Variants in TULP4 observed in about 807,000 individuals in gnomAD.
TULP4 encodes TUB like protein 4.
TULP4 carries 16 observed loss-of-function variants against 129.0 expected under a neutral mutation model. That is an observed-to-expected ratio of 0.12 (90% CI 0.08 to 0.19). TULP4 has a LOEUF of 0.19. Among genes scored for constraint, TULP4 ranks in the 10% least tolerant of loss-of-function variants. TULP4 has a pLI of 1.00. For synonymous variants in TULP4, 998 were observed against 854.0 expected, an observed-to-expected ratio of 1.17 and a Z score of -2.94; for missense variants, 1,842 against 2,059.1, an observed-to-expected ratio of 0.89 and a Z score of 2.04.
intron 1 of TULP4, among the ~76,000 whole-genome samples, chr6:158,341,952 T>C (rs1412719870): frequency 6.6e-6 from 1 of 152,218 alleles, no homozygotes; most frequent in Non-Finnish European, 1.5e-5. Flanking sequence ...GGAGTCTTGC[T>C]CTGTCGCCCA....
At position 158,286,217 on chromosome 6, in the gene TULP4, T is replaced by C. The variant is rs1778833729; in HGVS notation, n.116+3839T>C. The stretch of plus-strand genomic sequence containing the variant: ...AAAAATTTACTGAAATTTGTGCTAG[T>C]TAAGCTTTAAGAATTCTAAGTAATA... On this transcript the variant is annotated intron_variant and non_coding_transcript_variant, in intron 1 of 1. Transcript: ENST00000432358. Among the ~76,000 whole-genome samples, 3 of 152,236 alleles carry C rather than the reference T, an allele frequency of 2.0e-5. 1 individual carries two copies. In the South Asian group the frequency reaches 6.2e-4, roughly 32 times the overall value.
chr6:158,316,755 G>A (rs941325172), intron 1 of TULP4, among the ~76,000 whole-genome samples: 1 of 152,160 alleles, frequency 6.6e-6, no homozygotes, highest in African/African-American at 2.4e-5. Context: ...GCTGGGAAAC[G>A]TGGTACCAGC....
chr6:158,441,832 C>T (rs1008723432), intron 3 of TULP4, among the ~76,000 whole-genome samples: 1 of 152,178 alleles, frequency 6.6e-6, no homozygotes, highest in African/African-American at 2.4e-5. Context: ...GGCTGTGTCC[C>T]GAGGATGACT....
In TULP4 at chr6:158,503,675, C is replaced by A. The variant is rs1162811022; in HGVS notation, c.4012C>A (p.Arg1338=). 1.2e-6 allele frequency: 2 copies of A among 1,613,818 alleles called. No homozygotes were observed. The highest frequency in any genetic ancestry group is 1.7e-6 in the Non-Finnish European group (2 of 1,180,006). ...GACAGAAAAATTTGGAAAGAAGAAC[C>A]GGAAGCGCCTGGACAGCCGAGCAGA... ...QRTEKFGKKN[R]KRLDSRAEEG... The change falls in exon 13 of 14, where the codon CGG becomes AGG. Residue 1338 remains arginine, a synonymous_variant. Coordinates refer to ENST00000367097, the MANE Select transcript of TULP4 (RefSeq NM_020245.5). This position sits in a 1 kb window ranked among gnomAD's most constrained non-coding sequence, Gnocchi z 4.3.
chr6:158,309,055 G>A (rs1263624018), upstream of TULP4, among the ~76,000 whole-genome samples: 2 of 137,306 alleles, frequency 1.5e-5, no homozygotes, highest in South Asian at 2.5e-4. Context: ...CCTCCCGGAC[G>A]GGGTGGCTGC....
Position 158,511,320 on chromosome 6 carries a change from A to AT in TULP4, c.*4627dup, listed in dbSNP as rs1433797779. 2.0e-5 allele frequency: 3 copies of AT among 152,096 alleles called. No individual in the cohort carries two copies. The highest frequency in any genetic ancestry group is 4.4e-5 in the Non-Finnish European group (3 of 67,964). 9.4% of individuals were successfully genotyped at this position (152,096 alleles called of 1,614,324 possible). On this transcript the variant is annotated 3_prime_UTR_variant, in exon 14 of 14. Transcript: ENST00000367097. ...GTATTGTTTTTGCATTTGTTTATAA[A>AT]TGCATTATTTTGGTACTGTAAATTT...
intron 1 of TULP4, among the ~76,000 whole-genome samples, chr6:158,354,822 A>G (rs2114813377): frequency 7.0e-6 from 1 of 142,618 alleles, no homozygotes; most frequent in South Asian, 2.4e-4. Flanking sequence ...CAGGAGTTCT[A>G]GGTTACAGTG....
intron 3 of TULP4, among the ~76,000 whole-genome samples, chr6:158,446,765 C>T (rs770727407): frequency 3.9e-5 from 6 of 152,196 alleles, no homozygotes; most frequent in Non-Finnish European, 7.3e-5. Context: ...CTGGTGGAGG[C>T]TGACTCCTGG....
intron 13 of TULP4, among the ~76,000 whole-genome samples, chr6:158,504,738 T>G (rs1224179203): frequency 6.6e-6 from 1 of 152,042 alleles, no homozygotes; most frequent in Non-Finnish European, 1.5e-5. Flanking sequence ...GCAATCCTCC[T>G]GCCTCAGCCT....
chr6:158,410,282 T>C lies in TULP4; in HGVS notation c.253-2783T>C, dbSNP rs1778064812. Among the ~76,000 whole-genome samples the C allele has an allele frequency of 2.0e-5, 3 of 152,378 alleles. No homozygotes were observed. The South Asian group carries it at 6.2e-4, about 32-fold the overall frequency. On this transcript the variant is annotated intron_variant, in intron 1 of 13. Coordinates refer to ENST00000367097, the MANE Select transcript of TULP4 (RefSeq NM_020245.5). ...ATTAGAAATCATTTAAAAATATGTT[T>C]TGCCTCCACTCTTTTGTGTTTGTGT...
intron 6 of TULP4, among the ~76,000 whole-genome samples, chr6:158,477,361 T>C (rs1304649972): frequency 6.6e-6 from 1 of 152,026 alleles, no homozygotes; most frequent in African/African-American, 2.4e-5. Context: ...AATGGGAAAT[T>C]AGAGGGAAGA....
intron 1 of TULP4, among the ~76,000 whole-genome samples, chr6:158,254,115 G>T (rs1778200028): frequency 6.6e-6 from 1 of 151,984 alleles, no homozygotes; most frequent in African/African-American, 2.4e-5. Flanking sequence ...GAGTGGAGAA[G>T]GGAATCCTGG....
intron 1 of TULP4, among the ~76,000 whole-genome samples, chr6:158,274,575 G>T (rs1213439424): frequency 6.6e-6 from 1 of 152,140 alleles, no homozygotes; most frequent in African/African-American, 2.4e-5. Context: ...AGGAGATCGA[G>T]ACCATCCTGG....
At chr6:158,332,941 A>G (rs1221723582) in intron 1 of TULP4, among the ~76,000 whole-genome samples, 4 of 152,204 alleles carry the variant, frequency 2.6e-5, no homozygotes, top group Non-Finnish European at 4.4e-5. Flanking sequence ...ACACACACGT[A>G]CATACATGCA....
At chr6:158,272,019 A>T (rs1778561373) in intron 1 of TULP4, among the ~76,000 whole-genome samples, 2 of 152,182 alleles carry the variant, frequency 1.3e-5, no homozygotes, top group Admixed American at 1.3e-4. Context: ...TTAGAAATGT[A>T]TGAGTGAATT....
At chr6:158,371,272 G>A (rs9355654) in intron 1 of TULP4, among the ~76,000 whole-genome samples, 5 of 152,304 alleles carry the variant, frequency 3.3e-5, no homozygotes, top group East Asian at 1.9e-4. Context: ...AAGCCCACAC[G>A]GAGGAGAACT....
chr6:158,422,091 A>C (rs1214468965), intron 2 of TULP4, among the ~76,000 whole-genome samples: 2 of 152,204 alleles, frequency 1.3e-5, no homozygotes, highest in African/African-American at 4.8e-5. Context: ...AAGGAGAGTA[A>C]ATCCAATGAA....
intron 1 of TULP4, among the ~76,000 whole-genome samples, chr6:158,353,579 A>G (rs987233336): frequency 2.6e-5 from 4 of 152,172 alleles, no homozygotes; most frequent in Admixed American, 2.6e-4. Flanking sequence ...TTTTTTCTGC[A>G]CTACCTGAAA....
intron 1 of TULP4, among the ~76,000 whole-genome samples, chr6:158,303,971 A>T (rs1408240066): frequency 6.6e-6 from 1 of 152,216 alleles, no homozygotes; most frequent in Non-Finnish European, 1.5e-5. Context: ...GGTAAATTTT[A>T]TCTGTGTTGG....
Sources: gnomAD v4.1 joint callset for allele counts (sites outside exome capture counted in the v4.1 genomes callset) on GRCh38, gnomAD v4.1.1 for gene constraint, Gnocchi (gnomAD v3.1) non-coding constraint, MANE v1.5 for transcripts, NCBI Gene and HGNC (gene_info 2026-07-23, HGNC 2026-07-21) for gene names.